Variants in RABGAP1L observed in about 807,000 individuals in gnomAD.
RABGAP1L encodes the protein RAB GTPase activating protein 1 like.
A neutral mutation model predicts 137.7 loss-of-function variants in RABGAP1L; 63 were observed. That is an observed-to-expected ratio of 0.46 (90% CI 0.37 to 0.56). The LOEUF (loss-of-function observed/expected upper bound fraction) is 0.56. Among genes scored for constraint, RABGAP1L ranks in the 20% least tolerant of loss-of-function variants. RABGAP1L has a pLI of 0.00. For missense variants in RABGAP1L, 1,095 were observed against 1,244.0 expected (o/e 0.88, Z 1.80); for synonymous variants, 431 against 433.7 (o/e 0.99, Z 0.08).
At chr1:174,350,148 A>C (rs1470162843) in intron 11 of RABGAP1L, among the ~76,000 whole-genome samples, 17 of 93,440 alleles carry the variant, frequency 1.8e-4, no homozygotes, top group African/African-American at 3.8e-4. Flanking sequence ...CTGACCCCCC[A>C]CCTCCCTCCC....
At chr1:174,509,307 A>T (rs1662118772) in intron 13 of RABGAP1L, among the ~76,000 whole-genome samples, 1 of 152,198 alleles carries the variant, frequency 6.6e-6, no homozygotes, top group African/African-American at 2.4e-5. Context: ...ATCTAGAAAC[A>T]TAACAGCTTA....
chr1:174,369,535 A>G (rs1684924610), intron 11 of RABGAP1L, among the ~76,000 whole-genome samples: 1 of 152,202 alleles, frequency 6.6e-6, no homozygotes, highest in African/African-American at 2.4e-5. Flanking sequence ...CTCAGTTTAA[A>G]TAAAAAATTA....
At chr1:174,986,027 C>T (rs536576110) in intron 24 of RABGAP1L, among the ~76,000 whole-genome samples, 1 of 152,228 alleles carries the variant, frequency 6.6e-6, no homozygotes, top group Admixed American at 6.5e-5. Flanking sequence ...CAACTTCTGC[C>T]TCCCAAATTC....
intron 13 of RABGAP1L, among the ~76,000 whole-genome samples, chr1:174,427,849 C>T (rs1652139909): frequency 6.6e-6 from 1 of 152,162 alleles, no homozygotes; most frequent in Non-Finnish European, 1.5e-5. Context: ...GTGCCAGGCA[C>T]TGTACTTGCC....
intron 19 of RABGAP1L, among the ~76,000 whole-genome samples, chr1:174,891,965 AT>A (rs67361450): frequency 0.35 from 53,517 of 152,158 alleles, 11,803 homozygotes; most frequent in African/African-American, 0.63. Flanking sequence ...CCCTATCCAA[AT>A]AATTCCTGTT....
At chr1:174,505,726 G>A (rs1263550748) in intron 13 of RABGAP1L, among the ~76,000 whole-genome samples, 1 of 152,072 alleles carries the variant, frequency 6.6e-6, no homozygotes, top group Non-Finnish European at 1.5e-5. Context: ...CAACCATTAT[G>A]GAAAACAGCA....
intron 12 of RABGAP1L, among the ~76,000 whole-genome samples, chr1:174,385,991 A>C (rs1686733435): frequency 6.6e-6 from 1 of 151,754 alleles, no homozygotes; most frequent in East Asian, 1.9e-4. Flanking sequence ...GCATGTTTGT[A>C]TGTTGTTAGA....
intron 13 of RABGAP1L, among the ~76,000 whole-genome samples, chr1:174,627,496 T>A (rs1223323009): frequency 5.9e-5 from 9 of 152,228 alleles, no homozygotes; most frequent in Non-Finnish European, 1.0e-4. Flanking sequence ...ATACTCTTGA[T>A]AACAGGCACT....
At chr1:174,562,230 C>T (rs1219945085) in intron 13 of RABGAP1L, among the ~76,000 whole-genome samples, 1 of 152,166 alleles carries the variant, frequency 6.6e-6, no homozygotes, top group Non-Finnish European at 1.5e-5. Flanking sequence ...GACATTTATG[C>T]AGCCAACAAA....
rs551278664 is a variant in RABGAP1L at position 174,793,434 on chromosome 1, A to G, written c.2212-18398A>G. ...GGTAAGTCTACAATATTTTACAGAGATGCTATAAACATGTGACCTCAACCA... is the reference window on the plus strand; with the variant it reads ...GGTAAGTCTACAATATTTTACAGAGGTGCTATAAACATGTGACCTCAACCA... On this transcript the variant is annotated intron_variant, in intron 18 of 25. Transcript: ENST00000681986. Among the ~76,000 whole-genome samples the G allele has an allele frequency of 3.3e-5, 5 of 152,350 alleles. No homozygotes were observed. In the South Asian group the frequency reaches 1.0e-3, roughly 32 times the overall value.
At chr1:174,830,676 C>T (rs1216080918) in intron 19 of RABGAP1L, among the ~76,000 whole-genome samples, 1 of 147,710 alleles carries the variant, frequency 6.8e-6, no homozygotes, top group African/African-American at 2.5e-5. Context: ...AAGGTTTCAT[C>T]ATGTTGGCCA....
intron 13 of RABGAP1L, among the ~76,000 whole-genome samples, chr1:174,567,008 C>T (rs1379507755): frequency 1.3e-5 from 2 of 152,068 alleles, no homozygotes; most frequent in African/African-American, 2.4e-5. Context: ...TATCATTATA[C>T]TCTGTGTATA....
At chr1:174,537,157 A>G (rs1021731121) in intron 13 of RABGAP1L, among the ~76,000 whole-genome samples, 4 of 152,158 alleles carry the variant, frequency 2.6e-5, no homozygotes, top group African/African-American at 7.2e-5. Context: ...GGGTTTTGCT[A>G]ATTTTTCTGA....
chr1:174,859,953 CTTTTTTTT>C (rs746676430), intron 19 of RABGAP1L, among the ~76,000 whole-genome samples: 4 of 95,114 alleles, frequency 4.2e-5, no homozygotes, highest in Non-Finnish European at 4.1e-5. Flanking sequence ...TAGTCCAATG[CTTTTTTTT>C]TTTTTTTTTT....
chr1:174,942,109 T>G (rs1665986698), intron 19 of RABGAP1L, among the ~76,000 whole-genome samples: 1 of 152,178 alleles, frequency 6.6e-6, no homozygotes, highest in Admixed American at 6.5e-5. Context: ...CTGTTCATAG[T>G]TCTAAGGGAG....
At chr1:174,706,078 C>A (rs889612165) in intron 17 of RABGAP1L, among the ~76,000 whole-genome samples, 23 of 152,198 alleles carry the variant, frequency 1.5e-4, no homozygotes, top group African/African-American at 5.1e-4. Context: ...AAAAGAAAGA[C>A]ACTGAGTTTG....
At chr1:174,785,497 C>A (rs374970136) in intron 18 of RABGAP1L, among the ~76,000 whole-genome samples, 1 of 152,166 alleles carries the variant, frequency 6.6e-6, no homozygotes, top group African/African-American at 2.4e-5. Context: ...GTATATTATG[C>A]TATGGTTAGG....
chr1:174,200,920 C>T (rs1668049645), intron 1 of RABGAP1L, among the ~76,000 whole-genome samples: 1 of 152,088 alleles, frequency 6.6e-6, no homozygotes, highest in Non-Finnish European at 1.5e-5. Flanking sequence ...TTTCAGTTAT[C>T]CACATCTGAA....
chr1:174,342,620 T>C (rs1160223850), intron 11 of RABGAP1L, among the ~76,000 whole-genome samples: 1 of 152,126 alleles, frequency 6.6e-6, no homozygotes, highest in Non-Finnish European at 1.5e-5. Context: ...TTCTTTTTTA[T>C]TGTTTAAAAA....
Sources: allele counts gnomAD v4.1 joint callset (sites outside exome capture counted in the v4.1 genomes callset), GRCh38; gene constraint gnomAD v4.1.1; transcripts MANE v1.5; gene names NCBI Gene and HGNC (gene_info 2026-07-23, HGNC 2026-07-21).